Variants in KIRREL3 observed in about 807,000 individuals in gnomAD.
KIRREL3 encodes kirre like nephrin family adhesion molecule 3.
In KIRREL3, 36 loss-of-function variants were observed where a neutral mutation model predicts 89.7. That is an observed-to-expected ratio of 0.40 (90% CI 0.31 to 0.53). The LOEUF (loss-of-function observed/expected upper bound fraction) is 0.53. KIRREL3 is among the 20% of genes least tolerant of loss of function. The pLI, the probability that KIRREL3 is intolerant of heterozygous loss-of-function variation, is 0.49. For synonymous variants in KIRREL3, 445 were observed against 441.4 expected, an observed-to-expected ratio of 1.01 and a Z score of -0.10; for missense variants, 864 against 1,056.6, an observed-to-expected ratio of 0.82 and a Z score of 2.53.
At position 126,528,062 on chromosome 11, in the gene KIRREL3, G is replaced by A. The variant is rs147159856; in HGVS notation, c.134-1375C>T. Among the ~76,000 whole-genome samples, 418 of 152,356 alleles carry A rather than the reference G, an allele frequency of 2.7e-3. 2 individuals carry two copies. The highest frequency in any genetic ancestry group is 9.1e-3 in the African/African-American group (377 of 41,586). ...AAGAAACCAGGATCAGAGAGGCACA[G>A]TAACCTGCCCAAGGTCACGCAGCTA... On this transcript the variant is annotated intron_variant, in intron 2 of 16. Coordinates refer to ENST00000525144, the MANE Select transcript of KIRREL3 (RefSeq NM_032531.4). The surrounding 1 kb of genome is among the most constrained non-coding windows in gnomAD (Gnocchi z 4.6).
At chr11:126,625,095 G>A (rs946235873) in intron 1 of KIRREL3, among the ~76,000 whole-genome samples, 1 of 152,190 alleles carries the variant, frequency 6.6e-6, no homozygotes, top group Non-Finnish European at 1.5e-5. Flanking sequence ...TATCCCTGAT[G>A]ATAATGCAGC....
intron 4 of KIRREL3, among the ~76,000 whole-genome samples, chr11:126,514,588 C>T (rs1177694127): frequency 6.6e-6 from 1 of 152,224 alleles, no homozygotes; most frequent in Non-Finnish European, 1.5e-5. Flanking sequence ...TGCTGCATAA[C>T]AGGCGCTATT....
intron 1 of KIRREL3, among the ~76,000 whole-genome samples, chr11:126,779,246 T>G (rs564939558): frequency 1.3e-5 from 2 of 152,292 alleles, no homozygotes; most frequent in Non-Finnish European, 2.9e-5. Flanking sequence ...TTCCCTGAGA[T>G]CCCACAGCTT....
rs1020733185 is a variant in KIRREL3 at position 126,676,938 on chromosome 11, C to T, written c.56-114026G>A. Among the ~76,000 whole-genome samples, 1 of 152,090 alleles carries T rather than the reference C, an allele frequency of 6.6e-6. No individual in the cohort carries two copies. Among genetic ancestry groups the T allele is most frequent in the Non-Finnish European group, 1.5e-5 (1 of 68,022 alleles). ...TAGCTGGGACTACAGGCATGCACCA[C>T]CACACCACGCTAATTTTTAAAAAAT... On this transcript the variant is annotated intron_variant, in intron 1 of 16. Transcript: ENST00000525144. The surrounding 1 kb of genome is among the most constrained non-coding windows in gnomAD (Gnocchi z 4.5).
chr11:126,538,827 T>C, intron 2 of KIRREL3, among the ~76,000 whole-genome samples: 1 of 152,050 alleles, frequency 6.6e-6, no homozygotes, highest in East Asian at 1.9e-4. Flanking sequence ...CTGAGTAGGC[T>C]CTGGAGCTGC....
Position 126,791,182 on chromosome 11 carries a change from A to T in KIRREL3, c.55+209273T>A, listed in dbSNP as rs1950628698. Among the ~76,000 whole-genome samples the T allele has an allele frequency of 6.6e-6, 1 of 152,178 alleles. No homozygotes were observed. Among genetic ancestry groups the T allele is most frequent in the South Asian group, 2.1e-4 (1 of 4,828 alleles). On this transcript the variant is annotated intron_variant, in intron 1 of 16. Transcript: ENST00000525144. This position sits in a 1 kb window ranked among gnomAD's most constrained non-coding sequence, Gnocchi z 4.8. The stretch of plus-strand genomic sequence containing the variant: ...GCGCTGCCTGGCTGCTTCAGAAGAA[A>T]AGTCTGTGTTTAGGAAACCTCTTAT...
chr11:126,473,807 C>G (rs10790806), intron 4 of KIRREL3, among the ~76,000 whole-genome samples: 21 of 152,006 alleles, frequency 1.4e-4, no homozygotes, highest in African/African-American at 4.8e-4. Flanking sequence ...ACTTCTTTTT[C>G]CTTTTTTCGA....
intron 1 of KIRREL3, among the ~76,000 whole-genome samples, chr11:126,942,165 G>A (rs2135116516): frequency 6.6e-6 from 1 of 152,282 alleles, no homozygotes; most frequent in Admixed American, 6.5e-5. Flanking sequence ...ACCTGTTGGA[G>A]CTTCATAGCT....
chr11:126,450,910 T>TGTGTCCAC (rs1195772752), intron 7 of KIRREL3, among the ~76,000 whole-genome samples: 5 of 149,710 alleles, frequency 3.3e-5, no homozygotes, highest in Non-Finnish European at 7.4e-5. Context: ...CATGTGCGTG[T>TGTGTCCAC]GTGTCCACGT....
At chr11:126,794,471 C>T (rs1423033648) in intron 1 of KIRREL3, among the ~76,000 whole-genome samples, 1 of 152,176 alleles carries the variant, frequency 6.6e-6, no homozygotes, top group African/African-American at 2.4e-5. Context: ...GTCTCCTTAT[C>T]TATAAAATAA....
rs371532790 is a variant in KIRREL3, at chr11:126,683,936, G to A, written c.56-121024C>T. On this transcript the variant is annotated intron_variant, in intron 1 of 16. Transcript: ENST00000525144. The surrounding 1 kb of genome is among the most constrained non-coding windows in gnomAD (Gnocchi z 5.2). ...CCCAGGTCCCCCTTCAGGGACTGTC[G>A]TGGGCTGTGGCCTCAGAGGTCCCTT... 2.6e-5 allele frequency among the ~76,000 whole-genome samples: 4 copies of A among 152,230 alleles called. No homozygotes were observed. Among genetic ancestry groups the A allele is most frequent in the African/African-American group, 4.8e-5 (2 of 41,454 alleles).
rs1392406630 is a variant in KIRREL3, at chr11:126,696,246, G to A, written c.56-133334C>T. ...CACTCCAGCCTGGGCCACTGAGCGA[G>A]ACTCTATCTCAATTAAAAAAAAAAA... On this transcript the variant is annotated intron_variant, in intron 1 of 16. Coordinates refer to ENST00000525144, the MANE Select transcript of KIRREL3 (RefSeq NM_032531.4). This position sits in a 1 kb window ranked among gnomAD's most constrained non-coding sequence, Gnocchi z 4.4. Among the ~76,000 whole-genome samples, 2 of 148,572 alleles carry A rather than the reference G, an allele frequency of 1.3e-5. No individual in the cohort carries two copies. Among genetic ancestry groups the A allele is most frequent in the African/African-American group, 2.5e-5 (1 of 40,090 alleles).
intron 1 of KIRREL3, among the ~76,000 whole-genome samples, chr11:126,680,213 C>A (rs1946386012): frequency 6.6e-6 from 1 of 152,118 alleles, no homozygotes; most frequent in Non-Finnish European, 1.5e-5. Context: ...CTTTCATGAC[C>A]AGTGAGGGCA....
intron 1 of KIRREL3, among the ~76,000 whole-genome samples, chr11:126,712,780 G>A (rs1849754860): frequency 6.6e-6 from 1 of 152,156 alleles, no homozygotes. Context: ...GCCACGACCC[G>A]TTTTTGTCAT....
rs965679773 is a variant in KIRREL3, at chr11:126,526,182, T to C, written c.283+356A>G. On this transcript the variant is annotated intron_variant, in intron 3 of 16. Transcript: ENST00000525144. The surrounding 1 kb of genome is among the most constrained non-coding windows in gnomAD (Gnocchi z 5.7). The stretch of plus-strand genomic sequence containing the variant: ...TATTTCCTTAATAATTGTGCCTTAA[T>C]AAATGGGGGATACATCTTGGGCCAA... Among the ~76,000 whole-genome samples, 3 of 152,144 alleles carry C rather than the reference T, an allele frequency of 2.0e-5. No individual in the cohort carries two copies. The highest frequency in any genetic ancestry group is 4.4e-5 in the Non-Finnish European group (3 of 68,028).
At chr11:126,585,043 G>T (rs1389076913) in intron 1 of KIRREL3, among the ~76,000 whole-genome samples, 1 of 150,604 alleles carries the variant, frequency 6.6e-6, no homozygotes, top group South Asian at 2.1e-4. Flanking sequence ...CTCAGCCTCC[G>T]GAGCAGCTGG....
chr11:126,542,986 C>G (rs571317209), intron 2 of KIRREL3, among the ~76,000 whole-genome samples: 20 of 152,296 alleles, frequency 1.3e-4, no homozygotes, highest in Admixed American at 3.9e-4. Flanking sequence ...ACCTAATCCA[C>G]CTTCATAGCA....
intron 1 of KIRREL3, among the ~76,000 whole-genome samples, chr11:126,907,375 A>AACACTTT: frequency 6.6e-6 from 1 of 152,164 alleles, no homozygotes; most frequent in East Asian, 1.9e-4. Context: ...TAGTTTCCCC[A>AACACTTT]GCACTTTGTG....
At chr11:126,545,377 G>T (rs1938733438) in intron 2 of KIRREL3, among the ~76,000 whole-genome samples, 1 of 152,128 alleles carries the variant, frequency 6.6e-6, no homozygotes, top group African/African-American at 2.4e-5. Context: ...GCTTCACCCT[G>T]CACTGCCCCA....
Sources: gnomAD v4.1 joint callset for allele counts (sites outside exome capture counted in the v4.1 genomes callset) on GRCh38, gnomAD v4.1.1 for gene constraint, Gnocchi (gnomAD v3.1) non-coding constraint, MANE v1.5 for transcripts, NCBI Gene and HGNC (gene_info 2026-07-23, HGNC 2026-07-21) for gene names.